CLEC16A: variants seen among roughly 807,000 people sequenced by gnomAD.
CLEC16A encodes protein CLEC16A.
Under a neutral mutation model 109.5 loss-of-function variants are expected in CLEC16A, and 51 were observed. That is an observed-to-expected ratio of 0.47 (90% CI 0.37 to 0.59). The LOEUF is 0.59. Ranked by LOEUF, CLEC16A falls within the 20% of genes least tolerant of loss-of-function variation. The pLI, the probability that CLEC16A is intolerant of heterozygous loss-of-function variation, is 0.00. For synonymous variants in CLEC16A, 673 were observed against 564.2 expected, an observed-to-expected ratio of 1.19 and a Z score of -2.73; for missense variants, 1,339 against 1,394.0, an observed-to-expected ratio of 0.96 and a Z score of 0.63.
At chr16:11,102,432 T>C (rs1448838739) in intron 19 of CLEC16A, among the ~76,000 whole-genome samples, 2 of 152,230 alleles carry the variant, frequency 1.3e-5, no homozygotes, top group African/African-American at 4.8e-5. Context: ...TATTTTACTG[T>C]TAATGTTTGA....
chr16:11,077,275 A>G (rs1272809828), intron 19 of CLEC16A, among the ~76,000 whole-genome samples: 1 of 151,862 alleles, frequency 6.6e-6, no homozygotes, highest in African/African-American at 2.4e-5. Flanking sequence ...TTGGAGACCA[A>G]TCTGATTGAC....
chr16:11,130,856 G>A (rs890759125), intron 22 of CLEC16A, among the ~76,000 whole-genome samples: 3 of 152,188 alleles, frequency 2.0e-5, no homozygotes, highest in African/African-American at 7.2e-5. Flanking sequence ...TTTTATCTGC[G>A]GGCCCAGGTA....
chr16:11,120,912 C>A, intron 20 of CLEC16A, 146 bp downstream of exon 20: 5 of 887,196 alleles, frequency 5.6e-6, no homozygotes, highest in Non-Finnish European at 4.5e-6. Context: ...AATTGTCACC[C>A]AAAAAAAAGC....
At position 10,944,666 on chromosome 16, in the gene CLEC16A, C is replaced by G. The variant is rs2041246278; in HGVS notation, c.-52C>G. ...CTACCGCCGCGGGCGCTGGGCCGCT[C>G]TGCTGGTCCGGCATGAGACCGTGAG... On this transcript the variant is annotated 5_prime_UTR_variant, in exon 1 of 24. Coordinates refer to ENST00000409790, the MANE Select transcript of CLEC16A (RefSeq NM_015226.3). The G allele has an allele frequency of 6.5e-7, 1 of 1,540,504 alleles. No individual in the cohort carries two copies. Among genetic ancestry groups the G allele is most frequent in the African/African-American group, 1.4e-5 (1 of 73,522 alleles).
intron 10 of CLEC16A, among the ~76,000 whole-genome samples, chr16:10,998,749 G>A (rs572089294): frequency 1.3e-5 from 2 of 152,110 alleles, no homozygotes; most frequent in African/African-American, 4.8e-5. Context: ...AGCTCACTCA[G>A]CAGCAGCCTG....
At chr16:11,038,975 A>T (rs1031027379) in intron 13 of CLEC16A, among the ~76,000 whole-genome samples, 1 of 152,116 alleles carries the variant, frequency 6.6e-6, no homozygotes, top group Non-Finnish European at 1.5e-5. Flanking sequence ...TGAGTTTGTC[A>T]TTAAAAGCTT....
chr16:11,044,044 G>C lies in CLEC16A; in HGVS notation c.1787G>C (p.Ser596Thr). Residue 596 changes from serine to threonine, a missense_variant, in exon 16 of 24, where the codon AGT becomes ACT. This residue lies in a region of CLEC16A where 1,061 missense variants were observed against 1,006.8 expected (regional missense o/e 1.05). Coordinates refer to ENST00000409790, the MANE Select transcript of CLEC16A (RefSeq NM_015226.3). Reference sequence around the variant, plus strand: ...TTTTAACAGGGTGCGAGAGAAGAAAGTGTTCACCTTGTACGACATTTTTAT... The same window carrying C: ...TTTTAACAGGGTGCGAGAGAAGAAACTGTTCACCTTGTACGACATTTTTAT... ...LACLEGAREE[S>T]VHLVRHFYKG... is the part of the protein sequence containing the mutation. The C allele has an allele frequency of 3.1e-6, 5 of 1,609,660 alleles. No individual in the cohort carries two copies. Among genetic ancestry groups the C allele is most frequent in the Non-Finnish European group, 4.2e-6 (5 of 1,177,206 alleles).
At chr16:10,948,083 CG>C (rs1374199493) in intron 1 of CLEC16A, among the ~76,000 whole-genome samples, 21 of 152,154 alleles carry the variant, frequency 1.4e-4, no homozygotes, top group East Asian at 3.9e-4. Context: ...TTAGTAGAGA[CG>C]GGGTTTCACC....
chr16:11,144,024 G>T (rs1273456726), intron 22 of CLEC16A, among the ~76,000 whole-genome samples: 1 of 152,186 alleles, frequency 6.6e-6, no homozygotes, highest in Non-Finnish European at 1.5e-5. Context: ...AAGCCCATTG[G>T]AGGATAATTC....
chr16:11,112,685 A>G (rs957857365), intron 19 of CLEC16A, among the ~76,000 whole-genome samples: 4 of 152,088 alleles, frequency 2.6e-5, no homozygotes, highest in Admixed American at 6.5e-5. Flanking sequence ...ATACATACAC[A>G]CACACATACA....
chr16:11,017,292 G>T (rs2045817602), intron 11 of CLEC16A, among the ~76,000 whole-genome samples: 1 of 152,160 alleles, frequency 6.6e-6, no homozygotes, highest in Non-Finnish European at 1.5e-5. Context: ...CACTGGATTA[G>T]ACAGTGGAGA....
At chr16:11,027,326 A>T (rs2046466482) in intron 13 of CLEC16A, 2 of 1,433,958 alleles carry the variant, frequency 1.4e-6, no homozygotes, top group Admixed American at 3.3e-5. Flanking sequence ...GCGTGAGTTT[A>T]CTGGTGCAGA....
intron 19 of CLEC16A, among the ~76,000 whole-genome samples, chr16:11,086,048 G>A (rs1222923521): frequency 6.6e-6 from 1 of 152,252 alleles, no homozygotes; most frequent in East Asian, 1.9e-4. Context: ...AGTCAGTGAG[G>A]ATGAAGTGTG....
At position 11,174,074 on chromosome 16, in the gene CLEC16A, G is replaced by T; in HGVS notation, c.2807-4261G>T. The T allele has an allele frequency of 2.4e-6, 1 of 425,258 alleles. No homozygotes were observed. The highest frequency in any genetic ancestry group is 5.0e-6 in the Non-Finnish European group (1 of 201,874). The allele number at this position is 425,258 out of a possible 1,614,324, so 26.3% of individuals were successfully genotyped here. On this transcript the variant is annotated intron_variant, in intron 23 of 23. Coordinates refer to ENST00000409790, the MANE Select transcript of CLEC16A (RefSeq NM_015226.3). This position sits in a 1 kb window ranked among gnomAD's most constrained non-coding sequence, Gnocchi z 4.7. ...TCGTCAGTGCTCAGCGTCCGCTGCT[G>T]CTCAGTGTCCCCTCCATGTCGCCTC...
intron 18 of CLEC16A, chr16:11,056,832 TAA>T (rs1393458488): frequency 4.6e-5 from 7 of 152,382 alleles, no homozygotes; most frequent in East Asian, 1.9e-4. Flanking sequence ...TCTTTGTCTG[TAA>T]AAAGAGTGTA....
chr16:10,960,983 A>G (rs544414904), intron 2 of CLEC16A, among the ~76,000 whole-genome samples: 2 of 151,936 alleles, frequency 1.3e-5, no homozygotes, highest in African/African-American at 2.4e-5. Context: ...CTTTTTTCCC[A>G]ATGAATTGCC....
chr16:10,982,573 C>G lies in CLEC16A; in HGVS notation c.958-305C>G, dbSNP rs80038653. Among the ~76,000 whole-genome samples, 18 of 152,168 alleles carry G rather than the reference C, an allele frequency of 1.2e-4. 1 individual carries two copies. The highest frequency in any genetic ancestry group is 2.9e-5 in the Non-Finnish European group (2 of 68,034). ...GAGTGTGCTGGTTTGGCTGTTCTTT[C>G]CCGCATTGCTCCACTTCAGCCGGAT... is the stretch of plus-strand genomic sequence containing the variant. On this transcript the variant is annotated intron_variant, in intron 9 of 23. Coordinates refer to ENST00000409790, the MANE Select transcript of CLEC16A (RefSeq NM_015226.3).
chr16:11,009,718 A>C (rs906747718), intron 11 of CLEC16A, among the ~76,000 whole-genome samples: 31 of 152,240 alleles, frequency 2.0e-4, no homozygotes, highest in Non-Finnish European at 1.5e-5. Context: ...GTGCAAAGAA[A>C]AGAGCCCACA....
At chr16:10,977,112 C>T (rs2043067417) in intron 7 of CLEC16A, 113 bp from the exon 8 acceptor site, 1 of 982,766 alleles carries the variant, frequency 1.0e-6, no homozygotes, top group Non-Finnish European at 1.5e-6. Flanking sequence ...TCTCTTGAGA[C>T]TAACTCAAAT....
Sources: allele counts gnomAD v4.1 joint callset (sites outside exome capture counted in the v4.1 genomes callset), GRCh38; gene constraint gnomAD v4.1.1; regional missense constraint gnomAD v4.1.1; non-coding constraint Gnocchi (gnomAD v3.1); transcripts MANE v1.5; gene names NCBI Gene and HGNC (gene_info 2026-07-23, HGNC 2026-07-21).